Variants in PARP10 observed in about 807,000 individuals in gnomAD.
PARP10 encodes poly(ADP-ribose) polymerase family member 10.
A neutral mutation model predicts 82.4 loss-of-function variants in PARP10; 56 were observed. The ratio of observed to expected loss-of-function variants is 0.68; its 90% CI spans 0.55 to 0.85. The LOEUF (loss-of-function observed/expected upper bound fraction) is 0.85. Ranked by LOEUF, PARP10 falls within the 40% of genes least tolerant of loss-of-function variation. The pLI is 0.00. For synonymous variants in PARP10, 576 were observed against 601.1 expected (o/e 0.96, Z 0.61); for missense variants, 1,227 against 1,379.4 (o/e 0.89, Z 1.75).
chr8:143,994,387 G>A (rs1037473901), upstream of PARP10, among the ~76,000 whole-genome samples: 4 of 151,620 alleles, frequency 2.6e-5, no homozygotes, highest in South Asian at 4.2e-4. Context: ...CGCCTGCCCC[G>A]CCCTCCACCA....
At chr8:144,000,082 T>C (rs898607717) in intron 1 of PARP10, among the ~76,000 whole-genome samples, 1 of 152,154 alleles carries the variant, frequency 6.6e-6, no homozygotes, top group Non-Finnish European at 1.5e-5. Flanking sequence ...AAGGTTATGC[T>C]CATCTCATAA....
intron 7 of PARP10, 67 bp from the exon 8 acceptor site, chr8:143,983,878 G>T (rs1292200723): frequency 3.0e-5 from 45 of 1,518,904 alleles, no homozygotes; most frequent in Non-Finnish European, 3.5e-5. Flanking sequence ...GATGAAAGAT[G>T]GGGAGCAAGT....
Position 143,985,556 on chromosome 8 carries a change from C to A in PARP10, c.529G>T (p.Val177Leu), listed in dbSNP as rs1554749106. The A allele has an allele frequency of 1.2e-6, 2 of 1,613,934 alleles. No homozygotes were observed. The highest frequency in any genetic ancestry group is 2.7e-5 in the African/African-American group (2 of 74,930). The change falls in exon 4 of 11, where the codon GTG becomes TTG. Residue 177 changes from valine to leucine, a missense_variant. Physicochemically the swap from Val to Leu is conservative, Grantham distance 32 (BLOSUM62 1). Transcript: ENST00000313028. Reference sequence around the variant, plus strand: ...TCCACAGAGGCACCATCCCCCACCACACGCACCGCTCGGGCCTGGGGAACC... The same window carrying A: ...TCCACAGAGGCACCATCCCCCACCAAACGCACCGCTCGGGCCTGGGGAACC... ...ARVPQARAVR[V>L]VGDGASVDLL...
Position 143,984,638 on chromosome 8 carries a change from A to C in PARP10, c.1364T>G (p.Met455Arg), listed in dbSNP as rs782471530. The change falls in exon 5 of 11, where the codon ATG becomes AGG. Residue 455 changes from methionine to arginine, a missense_variant. By Grantham distance (91) the Met-to-Arg change is moderately conservative. Transcript: ENST00000313028. ...CTCATGGTAGAGCTGCAGGAAGCGC[A>C]TCGCCCCTGGCTCCATCAATAGCAC... is the stretch of plus-strand genomic sequence containing the variant. ...EMVLLMEPGA[M>R]RFLQLYHEDL... 24 of 1,613,920 alleles carry C rather than the reference A, an allele frequency of 1.5e-5. No homozygotes were observed. Among genetic ancestry groups the C allele is most frequent in the Middle Eastern group, 3.3e-4 (2 of 6,084 alleles).
chr8:143,992,364 C>T, upstream of PARP10: 3 of 1,601,666 alleles, frequency 1.9e-6, no homozygotes, highest in Non-Finnish European at 1.7e-6. Context: ...TCGTCATCTT[C>T]TCCATGCAGG....
chr8:143,983,158 T>C lies in PARP10; in HGVS notation c.2422+9A>G. ...CCCCACCGTCCCTCAGTCCAGGAGGTAGACTCACAGGTAGGGCCTGAAGCT... is the reference window on the plus strand; with the variant it reads ...CCCCACCGTCCCTCAGTCCAGGAGGCAGACTCACAGGTAGGGCCTGAAGCT... On this transcript the variant is annotated intron_variant, in intron 8 of 10. Coordinates refer to ENST00000313028, the MANE Select transcript of PARP10 (RefSeq NM_032789.5). The C allele has an allele frequency of 6.2e-7, 1 of 1,612,460 alleles. No homozygotes were observed.
upstream of PARP10, among the ~76,000 whole-genome samples, chr8:143,996,110 G>A (rs1015073454): frequency 3.3e-5 from 5 of 152,096 alleles, no homozygotes; most frequent in African/African-American, 4.8e-5. Context: ...TTAACACGAC[G>A]CCCCAGGGTG....
exon 1 of PARP10, chr8:144,012,734 GCCTCGCT>G (rs1834304549): frequency 6.4e-6 from 10 of 1,551,542 alleles, no homozygotes; most frequent in Admixed American, 2.0e-5. Context: ...ATGGTAAGAG[GCCTCGCT>G]CCCAAGAGAG....
Position 143,977,697 on chromosome 8 carries a change from C to T in PARP10, c.2865G>A (p.Gln955=). 6.3e-7 allele frequency: 1 copy of T among 1,592,742 alleles called. No homozygotes were observed. Residue 955 remains glutamine (Q), a synonymous_variant, in exon 11 of 11, where the codon CAG becomes CAA. Coordinates refer to ENST00000313028, the MANE Select transcript of PARP10 (RefSeq NM_032789.5). ...GGGGCGCCCGCAGACCGCGGCGGCCCTGCCCGTAGTCGCCAGTCAGCACCC... is the reference window on the plus strand; with the variant it reads ...GGGGCGCCCGCAGACCGCGGCGGCCTTGCCCGTAGTCGCCAGTCAGCACCC... The part of the protein sequence containing the change: ...VARVLTGDYG[Q]GRRGLRAPPL...
At chr8:143,978,819 C>A (rs1427657640) in intron 9 of PARP10, among the ~76,000 whole-genome samples, 1 of 152,122 alleles carries the variant, frequency 6.6e-6, no homozygotes, top group Non-Finnish European at 1.5e-5. Context: ...AGCTCCAGCA[C>A]ACACAGGGAA....
In PARP10 at chr8:143,978,092, G is replaced by A; in HGVS notation, c.2557-11C>T. ...CGACACGCGCTCCACCTGCGGGGAAGGCCCGGGCCAGGATTAAACACCCTC... is the reference window on the plus strand; with the variant it reads ...CGACACGCGCTCCACCTGCGGGGAAAGCCCGGGCCAGGATTAAACACCCTC... On this transcript the variant is annotated splice_polypyrimidine_tract_variant and intron_variant, in intron 9 of 10. Transcript: ENST00000313028. 2.0e-6 allele frequency: 3 copies of A among 1,499,740 alleles called. No homozygotes were observed. Among genetic ancestry groups the A allele is most frequent in the South Asian group, 1.3e-5 (1 of 79,698 alleles). 92.9% of individuals were successfully genotyped at this position (1,499,740 alleles called of 1,614,324 possible). A position where few individuals can be genotyped will look rare whatever the true frequency, so the allele number is the denominator to read the frequency against.
chr8:143,993,841 G>C (rs548309535), upstream of PARP10, among the ~76,000 whole-genome samples: 1 of 152,316 alleles, frequency 6.6e-6, no homozygotes, highest in East Asian at 1.9e-4. Context: ...ATTCCACCCA[G>C]GCCTGCCTCT....
intron 7 of PARP10, 54 bp downstream of exon 7, chr8:143,983,954 G>A (rs576506358): frequency 5.3e-5 from 79 of 1,477,980 alleles, no homozygotes; most frequent in Non-Finnish European, 7.0e-5. Flanking sequence ...CAGGGCAGGG[G>A]GTGAGGTCAA....
upstream of PARP10, chr8:143,986,764 T>G: frequency 3.3e-6 from 1 of 304,488 alleles, no homozygotes; most frequent in South Asian, 4.0e-5. Flanking sequence ...CCAAGGGGCC[T>G]GAGTCACTGC....
At chr8:143,982,807 G>A in intron 9 of PARP10, 125 bp downstream of exon 9, 2 of 1,444,596 alleles carry the variant, frequency 1.4e-6, no homozygotes, top group African/African-American at 1.4e-5. Flanking sequence ...AGGGCTGGGA[G>A]CCTGTCAGCT....
intron 1 of PARP10, among the ~76,000 whole-genome samples, chr8:144,004,756 C>T (rs1049524687): frequency 2.6e-5 from 4 of 152,154 alleles, no homozygotes; most frequent in South Asian, 2.1e-4. Context: ...CACAGGTCGG[C>T]GCTCAGCTGT....
intron 1 of PARP10, among the ~76,000 whole-genome samples, chr8:144,001,873 C>CAT (rs1834205572): frequency 7.3e-6 from 1 of 136,416 alleles, no homozygotes; most frequent in African/African-American, 2.7e-5. Flanking sequence ...AATATATATA[C>CAT]GTGTGTGTGT....
upstream of PARP10, chr8:143,986,502 G>A (rs1249609834): frequency 7.6e-7 from 1 of 1,320,198 alleles, no homozygotes; most frequent in East Asian, 2.4e-5. Flanking sequence ...GCTGGGCCCT[G>A]GGCGCTGAGG....
In PARP10 at chr8:144,008,975, G is replaced by A. The variant is rs550235437; in HGVS notation, c.-80+3555C>T. On this transcript the variant is annotated intron_variant, in intron 1 of 3. Coordinates refer to the PARP10 transcript ENST00000530478. The surrounding 1 kb of genome is among the most constrained non-coding windows in gnomAD (Gnocchi z 4.0). ...GGAGGCTGCAGCTTAACATTCTGGG[G>A]GACCCTGGGGGTCTTTTGAGGGCCT... Among the ~76,000 whole-genome samples, 5 of 152,322 alleles carry A rather than the reference G, an allele frequency of 3.3e-5. No homozygotes were observed. The highest frequency in any genetic ancestry group is 1.2e-4 in the African/African-American group (5 of 41,562).
Sources: allele counts gnomAD v4.1 joint callset (sites outside exome capture counted in the v4.1 genomes callset), GRCh38; gene constraint gnomAD v4.1.1; non-coding constraint Gnocchi (gnomAD v3.1); transcripts MANE v1.5; gene names NCBI Gene and HGNC (gene_info 2026-07-23, HGNC 2026-07-21).